SHROOM3: variants seen among roughly 807,000 people sequenced by gnomAD.
The protein encoded by SHROOM3 is protein Shroom3.
SHROOM3 carries 47 observed loss-of-function variants against 138.6 expected under a neutral mutation model. The ratio of observed to expected loss-of-function variants is 0.34; its 90% CI spans 0.27 to 0.43. SHROOM3 has a LOEUF of 0.43. Among genes scored for constraint, SHROOM3 ranks in the 20% least tolerant of loss-of-function variants. The probability of loss-of-function intolerance (pLI) is 1.00; values close to 1 mark genes in which losing one functional copy is unlikely to be tolerated. For synonymous variants in SHROOM3, 1,062 were observed against 1,063.3 expected (o/e 1.00, Z 0.02); for missense variants, 2,491 against 2,596.5 (o/e 0.96, Z 0.88).
intron 1 of SHROOM3, among the ~76,000 whole-genome samples, chr4:76,543,576 C>T (rs1733151219): frequency 6.6e-6 from 1 of 152,194 alleles, no homozygotes. Flanking sequence ...GCTCATTCTA[C>T]ATGTCCATGA....
chr4:76,471,417 G>GT (rs1731369960), intron 1 of SHROOM3, among the ~76,000 whole-genome samples: 1 of 151,702 alleles, frequency 6.6e-6, no homozygotes, highest in South Asian at 2.1e-4. Context: ...CTAATTTTTT[G>GT]ATTTTTAGTA....
chr4:76,436,239 T>A lies in SHROOM3; in HGVS notation c.168+19T>A. 1 of 1,613,468 alleles carries A rather than the reference T, an allele frequency of 6.2e-7. No individual in the cohort carries two copies. Among genetic ancestry groups the A allele is most frequent in the South Asian group, 1.1e-5 (1 of 91,036 alleles). On this transcript the variant is annotated intron_variant, in intron 1 of 10. Coordinates refer to ENST00000296043, the MANE Select transcript of SHROOM3 (RefSeq NM_020859.4). ...CTCTAAGGTATGTTTCTTTTTCCAA[T>A]ATTGCCTTTATTCAAATTGTTTTTT...
chr4:76,734,876 C>T (rs1005647982), intron 4 of SHROOM3, among the ~76,000 whole-genome samples: 1 of 152,008 alleles, frequency 6.6e-6, no homozygotes, highest in Admixed American at 6.6e-5. Context: ...GAAAATAAAG[C>T]AGGGTAACAG....
chr4:76,693,276 T>C (rs1402155987), intron 2 of SHROOM3, among the ~76,000 whole-genome samples: 1 of 151,996 alleles, frequency 6.6e-6, no homozygotes, highest in Non-Finnish European at 1.5e-5. Context: ...ATTTACACTT[T>C]TGTGAAAGCC....
chr4:76,473,637 AT>A (rs1454544924), intron 1 of SHROOM3, among the ~76,000 whole-genome samples: 1 of 152,140 alleles, frequency 6.6e-6, no homozygotes, highest in Non-Finnish European at 1.5e-5. Flanking sequence ...AGACAACCCC[AT>A]TTTAAAATGG....
Position 76,664,095 on chromosome 4 carries a change from G to GT in SHROOM3, c.324-46060dup, listed in dbSNP as rs1230903635. ...AAAGTGGGTGAACTACTTGCTGGCT[G>GT]TAAGTCTGGCGTCATTGAAAGAATA... On this transcript the variant is annotated intron_variant, in intron 2 of 10. Coordinates refer to ENST00000296043, the MANE Select transcript of SHROOM3 (RefSeq NM_020859.4). This position sits in a 1 kb window ranked among gnomAD's most constrained non-coding sequence, Gnocchi z 4.2. Among the ~76,000 whole-genome samples, 2 of 152,218 alleles carry GT rather than the reference G, an allele frequency of 1.3e-5. No individual in the cohort carries two copies. The highest frequency in any genetic ancestry group is 6.5e-5 in the Admixed American group (1 of 15,284).
At chr4:76,681,142 C>G (rs1577970564) in intron 2 of SHROOM3, among the ~76,000 whole-genome samples, 2 of 152,344 alleles carry the variant, frequency 1.3e-5, no homozygotes, top group East Asian at 3.9e-4. Context: ...ACTTGCAGTT[C>G]CACAACTGGC....
intron 1 of SHROOM3, among the ~76,000 whole-genome samples, chr4:76,462,726 C>A (rs1579170197): frequency 6.7e-6 from 1 of 149,324 alleles, no homozygotes; most frequent in African/African-American, 2.5e-5. Context: ...CTCCCTCTCC[C>A]TTTCCCTCTC....
intron 1 of SHROOM3, among the ~76,000 whole-genome samples, chr4:76,498,562 C>T (rs1294993349): frequency 1.3e-5 from 2 of 152,062 alleles, no homozygotes; most frequent in African/African-American, 2.4e-5. Flanking sequence ...ATTAACGCTA[C>T]CTTAATTAAT....
chr4:76,772,430 C>T (rs749601061), intron 10 of SHROOM3, among the ~76,000 whole-genome samples: 4 of 152,122 alleles, frequency 2.6e-5, no homozygotes, highest in African/African-American at 9.7e-5. Flanking sequence ...TTTTTCATTG[C>T]TCTCATGAAT....
chr4:76,726,541 T>TAAAAAAAAAAAAA (rs61455146), intron 3 of SHROOM3, among the ~76,000 whole-genome samples: 1 of 90,836 alleles, frequency 1.1e-5, no homozygotes, highest in African/African-American at 4.5e-5. Context: ...CCCCTCCATC[T>TAAAAAAAAAAAAA]AAAAAAAAAA....
intron 1 of SHROOM3, among the ~76,000 whole-genome samples, chr4:76,500,019 G>A (rs753135345): frequency 3.9e-5 from 6 of 152,184 alleles, no homozygotes; most frequent in Non-Finnish European, 7.3e-5. Context: ...GAGGAGACAG[G>A]CATGGGCAGG....
chr4:76,643,936 C>T (rs1735748747), intron 2 of SHROOM3, among the ~76,000 whole-genome samples: 1 of 151,338 alleles, frequency 6.6e-6, no homozygotes, highest in African/African-American at 2.4e-5. Context: ...CCTCGATTTC[C>T]TGGGTTCAAG....
At chr4:76,711,303 G>A (rs535765985) in intron 3 of SHROOM3, among the ~76,000 whole-genome samples, 100 of 152,308 alleles carry the variant, frequency 6.6e-4, no homozygotes, top group African/African-American at 2.3e-3. Flanking sequence ...GATGCTGAAA[G>A]GACTGAAAGA....
chr4:76,773,323 G>A (rs971942871), intron 10 of SHROOM3, among the ~76,000 whole-genome samples: 8 of 146,702 alleles, frequency 5.5e-5, no homozygotes, highest in South Asian at 2.2e-4. Context: ...GCAGTGAGCC[G>A]AGATCACACC....
At chr4:76,566,996 C>T (rs926484413) in intron 2 of SHROOM3, among the ~76,000 whole-genome samples, 13 of 152,186 alleles carry the variant, frequency 8.5e-5, no homozygotes, top group South Asian at 2.1e-4. Flanking sequence ...AGGCCCGTGC[C>T]GCTGTCTGTA....
At chr4:76,553,871 T>C (rs75417401) in intron 1 of SHROOM3, among the ~76,000 whole-genome samples, 2,062 of 152,350 alleles carry the variant, frequency 0.014, 21 homozygotes, top group Non-Finnish European at 0.021. Flanking sequence ...ATTTCCCATG[T>C]ATCTGCTGCC....
rs1722731999 is a variant in SHROOM3, at chr4:76,781,362, C to G, written c.*2185C>G. 6.6e-6 allele frequency: 1 copy of G among 152,174 alleles called. No individual in the cohort carries two copies. Among genetic ancestry groups the G allele is most frequent in the Admixed American group, 6.5e-5 (1 of 15,268 alleles). The allele number at this position is 152,174 out of a possible 1,614,324, so 9.4% of individuals were successfully genotyped here. On this transcript the variant is annotated 3_prime_UTR_variant, in exon 11 of 11. Transcript: ENST00000296043. ...CAGGCTGGTTTCAAACTCCTGGGCTCAAGGGATCCTTCCGCTTTGGTCCCA... is the reference window on the plus strand; with the variant it reads ...CAGGCTGGTTTCAAACTCCTGGGCTGAAGGGATCCTTCCGCTTTGGTCCCA...
intron 2 of SHROOM3, among the ~76,000 whole-genome samples, chr4:76,590,978 C>T (rs1001916511): frequency 6.6e-5 from 10 of 152,060 alleles, no homozygotes; most frequent in Non-Finnish European, 1.5e-4. Context: ...GTATGCCCTC[C>T]GGTATGAATA....
Sources: allele counts gnomAD v4.1 joint callset (sites outside exome capture counted in the v4.1 genomes callset), GRCh38; gene constraint gnomAD v4.1.1; non-coding constraint Gnocchi (gnomAD v3.1); transcripts MANE v1.5; gene names NCBI Gene and HGNC (gene_info 2026-07-23, HGNC 2026-07-21).